The following SYNE3 variants were observed in gnomAD, a reference collection of about 807,000 sequenced individuals.
The protein encoded by SYNE3 is spectrin repeat containing nuclear envelope family member 3, also known as nesprin-3.
In SYNE3, 100 loss-of-function variants were observed where a neutral mutation model predicts 111.2. The ratio of observed to expected loss-of-function variants is 0.90; its 90% CI spans 0.77 to 1.06. The LOEUF (loss-of-function observed/expected upper bound fraction) is 1.06, where lower values mean the gene tolerates loss of function less well. Ranked by LOEUF, SYNE3 falls within the 50% of genes least tolerant of loss-of-function variation. The pLI is 0.00. For missense variants in SYNE3, 1,160 were observed against 1,240.3 expected, an observed-to-expected ratio of 0.94 and a Z score of 0.97; for synonymous variants, 547 against 533.9, an observed-to-expected ratio of 1.02 and a Z score of -0.34.
At chr14:95,507,647 T>C (rs1026817669) in intron 1 of SYNE3, among the ~76,000 whole-genome samples, 6 of 152,268 alleles carry the variant, frequency 3.9e-5, no homozygotes, top group Admixed American at 6.5e-5. Context: ...TCTAAAATTA[T>C]GCCTGAGCAA....
intron 1 of SYNE3, among the ~76,000 whole-genome samples, chr14:95,505,369 A>G (rs562758253): frequency 1.3e-5 from 2 of 152,298 alleles, no homozygotes; most frequent in East Asian, 3.9e-4. Context: ...AAACCCTGCT[A>G]TGCATACAGC....
rs779865500 is a variant in SYNE3 at position 95,432,037 on chromosome 14, C to A, written c.2727+42G>T. On this transcript the variant is annotated intron_variant, in intron 17 of 17. Coordinates refer to ENST00000682763, the MANE Select transcript of SYNE3 (RefSeq NM_152592.6). ...CACGGGCCCACCAACCCTCCAGGCACCCTGCCTGCTAGCCGTGTGGAGCAG... is the reference window on the plus strand; with the variant it reads ...CACGGGCCCACCAACCCTCCAGGCAACCTGCCTGCTAGCCGTGTGGAGCAG... 6 of 1,601,750 alleles carry A rather than the reference C, an allele frequency of 3.7e-6. No homozygotes were observed. The African/African-American group carries it at 8.0e-5, about 21-fold the overall frequency.
chr14:95,466,608 C>G (rs8007565), intron 3 of SYNE3, among the ~76,000 whole-genome samples: 105,861 of 152,052 alleles, frequency 0.7, 37,118 homozygotes, highest in African/African-American at 0.76. Flanking sequence ...ACAGACACCC[C>G]CAGTCATTTC....
intron 1 of SYNE3, among the ~76,000 whole-genome samples, chr14:95,493,564 A>C (rs2139576021): frequency 6.6e-6 from 1 of 152,352 alleles, no homozygotes; most frequent in African/African-American, 2.4e-5. Flanking sequence ...ATGACATGAA[A>C]TTTTTGAATC....
chr14:95,455,715 T>C lies in SYNE3; in HGVS notation c.799A>G (p.Lys267Glu), dbSNP rs373454109. 1.2e-6 allele frequency: 2 copies of C among 1,613,868 alleles called. No individual in the cohort carries two copies. The highest frequency in any genetic ancestry group is 1.7e-6 in the Non-Finnish European group (2 of 1,180,030). Residue 267 changes from lysine to glutamate, a missense_variant, in exon 6 of 18, where the codon AAA becomes GAA. Coordinates refer to ENST00000682763, the MANE Select transcript of SYNE3 (RefSeq NM_152592.6). ...GACTCCTCGCCCCTGGGAAAATCTT[T>C]GGCAATGTCCTGAAGAGGGTAGAGG... is the stretch of plus-strand genomic sequence containing the variant. The part of the protein sequence containing the change: ...QRLSTLQDIA[K>E]DFPRGEESLE...
At chr14:95,495,225 A>T (rs1182003223) in intron 1 of SYNE3, among the ~76,000 whole-genome samples, 1 of 152,246 alleles carries the variant, frequency 6.6e-6, no homozygotes, top group East Asian at 1.9e-4. Flanking sequence ...CTGTGAGAGC[A>T]GCCTCCATTC....
chr14:95,442,422 A>G (rs1010221791), intron 11 of SYNE3, among the ~76,000 whole-genome samples: 2 of 152,178 alleles, frequency 1.3e-5, no homozygotes, highest in African/African-American at 2.4e-5. Flanking sequence ...AATGTTTGGT[A>G]TGAAATAGGG....
At chr14:95,488,048 T>C (rs1269222410) in intron 1 of SYNE3, among the ~76,000 whole-genome samples, 1 of 152,256 alleles carries the variant, frequency 6.6e-6, no homozygotes, top group Admixed American at 6.5e-5. Flanking sequence ...AATATCATTT[T>C]CTTTTCTCTA....
intron 1 of SYNE3, among the ~76,000 whole-genome samples, chr14:95,498,043 A>AAAAAC (rs1270581778): frequency 6.6e-6 from 1 of 151,236 alleles, no homozygotes; most frequent in Non-Finnish European, 1.5e-5. Flanking sequence ...AAAAAAAAAA[A>AAAAAC]GGAAAAAAGT....
At chr14:95,474,391 G>A (rs1595236195) in intron 2 of SYNE3, among the ~76,000 whole-genome samples, 2 of 152,286 alleles carry the variant, frequency 1.3e-5, no homozygotes, top group African/African-American at 4.8e-5. Context: ...ATGAGGCTGG[G>A]AACCCTCAAG....
chr14:95,460,456 A>G (rs902290057), intron 4 of SYNE3, among the ~76,000 whole-genome samples: 1 of 150,532 alleles, frequency 6.6e-6, no homozygotes, highest in African/African-American at 2.5e-5. Context: ...CCTGACCTCA[A>G]ATGATCCACC....
chr14:95,487,421 C>T (rs1016321741), intron 1 of SYNE3, among the ~76,000 whole-genome samples: 14 of 152,168 alleles, frequency 9.2e-5, no homozygotes, highest in African/African-American at 2.7e-4. Flanking sequence ...GCACTTCCAC[C>T]GCGATGCCGT....
chr14:95,469,418 G>A (rs923347027), intron 2 of SYNE3, among the ~76,000 whole-genome samples: 1 of 151,602 alleles, frequency 6.6e-6, no homozygotes, highest in Admixed American at 6.6e-5. Context: ...CTTTTATCCA[G>A]GTACAGTGCT....
chr14:95,417,569 G>A lies in SYNE3; in HGVS notation c.*257C>T. 1.9e-6 allele frequency: 1 copy of A among 537,986 alleles called. No homozygotes were observed. The highest frequency in any genetic ancestry group is 2.2e-5 in the South Asian group (1 of 45,098). 33.3% of individuals were successfully genotyped at this position (537,986 alleles called of 1,614,324 possible). A position where few individuals can be genotyped will look rare whatever the true frequency, so the allele number is the denominator to read the frequency against. ...TCGTATATGAAATTATACATACTGA[G>A]CATTTACATACAGATCATATAAAAA... On this transcript the variant is annotated 3_prime_UTR_variant, in exon 18 of 18. Transcript: ENST00000682763.
At chr14:95,515,269 C>T (rs927953911) in intron 1 of SYNE3, among the ~76,000 whole-genome samples, 6 of 152,242 alleles carry the variant, frequency 3.9e-5, no homozygotes, top group Non-Finnish European at 8.8e-5. Flanking sequence ...TGCCGAGCAC[C>T]GTCCGGCCTG....
At chr14:95,484,762 G>GTGTC (rs1889453227) in intron 1 of SYNE3, among the ~76,000 whole-genome samples, 1 of 152,228 alleles carries the variant, frequency 6.6e-6, no homozygotes, top group Admixed American at 6.5e-5. Context: ...ATGGATGAAG[G>GTGTC]ATAAATACTG....
intron 17 of SYNE3, among the ~76,000 whole-genome samples, chr14:95,421,793 C>T (rs1266064854): frequency 6.6e-6 from 1 of 152,226 alleles, no homozygotes. Flanking sequence ...CGCTATCTCT[C>T]AGCTCCTTAA....
chr14:95,512,409 C>G (rs1293572480), intron 1 of SYNE3, among the ~76,000 whole-genome samples: 1 of 152,128 alleles, frequency 6.6e-6, no homozygotes, highest in Admixed American at 6.5e-5. Flanking sequence ...ACGCCCTTAG[C>G]CAGGCATGGT....
chr14:95,438,830 T>A (rs1012473919), intron 14 of SYNE3: 3 of 647,810 alleles, frequency 4.6e-6, no homozygotes, highest in Non-Finnish European at 7.7e-6. Flanking sequence ...CTGCAGACTC[T>A]GGGATCTCTG....
Sources: allele counts gnomAD v4.1 joint callset (sites outside exome capture counted in the v4.1 genomes callset), GRCh38; gene constraint gnomAD v4.1.1; transcripts MANE v1.5; gene names NCBI Gene and HGNC (gene_info 2026-07-23, HGNC 2026-07-21).